The following PADI4 variants were observed in gnomAD, a reference collection of about 807,000 sequenced individuals.
PADI4 encodes protein-arginine deiminase type-4.
In PADI4, 62 loss-of-function variants were observed where a neutral mutation model predicts 75.0. The ratio of observed to expected loss-of-function variants is 0.83; its 90% CI spans 0.67 to 1.02. PADI4 has a LOEUF of 1.02. Among genes scored for constraint, PADI4 ranks in the 50% least tolerant of loss-of-function variants. The probability of loss-of-function intolerance (pLI) is 0.00; values close to 1 mark genes in which losing one functional copy is unlikely to be tolerated. For missense variants in PADI4, 845 were observed against 850.5 expected, an observed-to-expected ratio of 0.99 and a Z score of 0.08; for synonymous variants, 361 against 348.1, an observed-to-expected ratio of 1.04 and a Z score of -0.41.
chr1:17,331,543 A>G (rs1014486998), intron 2 of PADI4, among the ~76,000 whole-genome samples: 2 of 152,216 alleles, frequency 1.3e-5, no homozygotes, highest in African/African-American at 4.8e-5. Flanking sequence ...ACTGAGTTCT[A>G]TGGAGGCCAC....
intron 13 of PADI4, 72 bp from the exon 14 acceptor site, chr1:17,358,766 C>A (rs2074802871): frequency 1.0e-6 from 1 of 955,060 alleles, no homozygotes; most frequent in Non-Finnish European, 1.7e-6. Flanking sequence ...GAGTCCCCCC[C>A]CGGCACTGGC....
intron 14 of PADI4, 22 bp from the exon 15 acceptor site, chr1:17,359,258 C>A: frequency 2.2e-6 from 3 of 1,377,060 alleles, no homozygotes; most frequent in Non-Finnish European, 3.1e-6. Context: ...CCCCCACTCA[C>A]TGCCCCTGCC....
Position 17,363,855 on chromosome 1 carries a change from G to A in PADI4, c.*100G>A. ...CTTGTGAATATTGTGGCTCCCTGGG[G>A]GCGGCCAGCCCTCCCAGCAGTGGCT... On this transcript the variant is annotated 3_prime_UTR_variant, in exon 16 of 16. Transcript: ENST00000375448. 1 of 787,464 alleles carries A rather than the reference G, an allele frequency of 1.3e-6. No homozygotes were observed. The highest frequency in any genetic ancestry group is 2.1e-6 in the Non-Finnish European group (1 of 477,346). 48.8% of individuals were successfully genotyped at this position (787,464 alleles called of 1,614,324 possible). A position where few individuals can be genotyped will look rare whatever the true frequency, so the allele number is the denominator to read the frequency against.
At chr1:17,319,019 A>G (rs1325426759) in intron 1 of PADI4, among the ~76,000 whole-genome samples, 1 of 151,458 alleles carries the variant, frequency 6.6e-6, no homozygotes, top group African/African-American at 2.4e-5. Context: ...GACAGGGTCT[A>G]GCTATTTTGC....
rs16825565 is a variant in PADI4, at chr1:17,342,013, C to T, written c.723C>T (p.Pro241=). ...GGCCCTCTCACTACCTGATGGTCCC[C>T]GGTGGAAAGCACAACATGGACTTCT... The part of the protein sequence containing the change: ...PKWPSHYLMV[P]GGKHNMDFYV... The change falls in exon 7 of 16, where the codon CCC becomes CCT. Residue 241 remains proline (P), a synonymous_variant. Coordinates refer to ENST00000375448, the MANE Select transcript of PADI4 (RefSeq NM_012387.3). The T allele has an allele frequency of 2.7e-3, 4,284 of 1,613,862 alleles. 103 individuals carry two copies. In the African/African-American group the frequency reaches 0.05, roughly 19 times the overall value.
At chr1:17,363,442 T>C in intron 15 of PADI4, 80 bp from the exon 16 acceptor site, 2 of 946,050 alleles carry the variant, frequency 2.1e-6, no homozygotes, top group Non-Finnish European at 3.3e-6. Context: ...TTTCCAAAGG[T>C]CAGAGAAGGG....
chr1:17,322,044 T>C (rs959310579), intron 1 of PADI4, among the ~76,000 whole-genome samples: 1 of 152,214 alleles, frequency 6.6e-6, no homozygotes, highest in African/African-American at 2.4e-5. Context: ...GCTCAGTGAA[T>C]CTGCATTTTT....
chr1:17,354,527 T>A lies in PADI4; in HGVS notation c.1156-6T>A. The A allele has an allele frequency of 1.2e-6, 2 of 1,613,982 alleles. No homozygotes were observed. The highest frequency in any genetic ancestry group is 1.7e-6 in the Non-Finnish European group (2 of 1,179,882). ...TAACTCTTGGCACTCCCTTCTCCTA[T>A]CTCAGGGTCCAGATTTTGGCTATGT... On this transcript the variant is annotated splice_polypyrimidine_tract_variant and splice_region_variant and intron_variant, in intron 10 of 15. Transcript: ENST00000375448.
chr1:17,339,847 C>T, intron 6 of PADI4, 34 bp downstream of exon 6: 1 of 1,566,214 alleles, frequency 6.4e-7, no homozygotes, highest in Non-Finnish European at 8.7e-7. Context: ...CCCTCCTGCC[C>T]TGGCCAACGG....
intron 9 of PADI4, among the ~76,000 whole-genome samples, chr1:17,347,692 C>G (rs1251869634): frequency 6.6e-6 from 1 of 152,166 alleles, no homozygotes; most frequent in Non-Finnish European, 1.5e-5. Context: ...GTCCCCAGCA[C>G]TGGCCCAGGC....
chr1:17,343,166 G>A (rs907030199), intron 8 of PADI4, among the ~76,000 whole-genome samples: 11 of 152,120 alleles, frequency 7.2e-5, no homozygotes, highest in African/African-American at 1.7e-4. Context: ...TAGCCTGGGC[G>A]ACAGAGCAAG....
At chr1:17,342,458 T>C in intron 8 of PADI4, 56 bp downstream of exon 8, 1 of 1,016,504 alleles carries the variant, frequency 9.8e-7, no homozygotes, top group Non-Finnish European at 1.5e-6. Context: ...CTGAGTTCCA[T>C]CCGCAGCACT....
At position 17,359,335 on chromosome 1, in the gene PADI4, G is replaced by C. The variant is rs781435264; in HGVS notation, c.1685G>C (p.Ser562Thr). The C allele has an allele frequency of 6.2e-7, 1 of 1,613,864 alleles. No homozygotes were observed. The highest frequency in any genetic ancestry group is 1.7e-5 in the Admixed American group (1 of 59,994). Residue 562 changes from serine (S) to threonine (T), a missense_variant, in exon 15 of 16, where the codon AGT becomes ACT. By Grantham distance (58) the Ser-to-Thr change is moderately conservative. Transcript: ENST00000375448. ...AAGCGGGAGCTGGGCCTGGCCGAGA[G>C]TGACATCATTGACATCCCGCAGCTC... ...LLKRELGLAE[S>T]DIIDIPQLFK... is the part of the protein sequence containing the mutation.
At chr1:17,312,916 G>A (rs1447946999) in intron 1 of PADI4, among the ~76,000 whole-genome samples, 1 of 151,324 alleles carries the variant, frequency 6.6e-6, no homozygotes, top group Non-Finnish European at 1.5e-5. Context: ...ATGGGGCTGG[G>A]CATGGTGGCT....
At chr1:17,311,733 G>C (rs56157901) in intron 1 of PADI4, among the ~76,000 whole-genome samples, 1 of 151,994 alleles carries the variant, frequency 6.6e-6, no homozygotes, top group Non-Finnish European at 1.5e-5. Flanking sequence ...CACCGTGTTA[G>C]CCAGGATGGT....
At chr1:17,340,835 C>G (rs1011965699) in intron 6 of PADI4, among the ~76,000 whole-genome samples, 6 of 140,014 alleles carry the variant, frequency 4.3e-5, no homozygotes, top group African/African-American at 1.3e-4. Context: ...GAGTCTCACT[C>G]TGTTGCCCCG....
At chr1:17,337,474 T>C (rs1018296019) in intron 4 of PADI4, among the ~76,000 whole-genome samples, 2 of 151,906 alleles carry the variant, frequency 1.3e-5, no homozygotes, top group African/African-American at 2.4e-5. Flanking sequence ...TTAAAATCCA[T>C]GTGACTGTCT....
chr1:17,331,180 G>C (rs2074205952), intron 2 of PADI4, 31 bp downstream of exon 2: 1 of 1,587,290 alleles, frequency 6.3e-7, no homozygotes, highest in Non-Finnish European at 8.6e-7. Context: ...GTGGCAGTGT[G>C]GATGGGCTTC....
chr1:17,332,764 G>A (rs906720260), intron 2 of PADI4, among the ~76,000 whole-genome samples: 3 of 152,160 alleles, frequency 2.0e-5, no homozygotes, highest in Non-Finnish European at 4.4e-5. Context: ...AGCCAAGCAG[G>A]CTTCTCCCTG....
Sources: allele counts gnomAD v4.1 joint callset (sites outside exome capture counted in the v4.1 genomes callset), GRCh38; gene constraint gnomAD v4.1.1; transcripts MANE v1.5; gene names NCBI Gene and HGNC (gene_info 2026-07-23, HGNC 2026-07-21).